FARS2: variants seen among roughly 807,000 people sequenced by gnomAD.
The protein encoded by FARS2 is phenylalanine--tRNA ligase, mitochondrial.
Under a neutral mutation model 46.4 loss-of-function variants are expected in FARS2, and 40 were observed. The ratio of observed to expected loss-of-function variants is 0.86; its 90% CI spans 0.67 to 1.12. FARS2 has a LOEUF of 1.12. FARS2 is among the 50% of genes most tolerant of loss of function. FARS2 has a pLI of 0.00. For missense variants in FARS2, 513 were observed against 567.9 expected, an observed-to-expected ratio of 0.90 and a Z score of 0.98; for synonymous variants, 234 against 214.9, an observed-to-expected ratio of 1.09 and a Z score of -0.78.
intron 1 of FARS2, among the ~76,000 whole-genome samples, chr6:5,357,493 G>T (rs1468604283): frequency 2.0e-5 from 3 of 152,300 alleles, no homozygotes; most frequent in South Asian, 4.1e-4. Context: ...AGTGAAGTGT[G>T]TACAGAAGAC....
At position 5,637,237 on chromosome 6, in the gene FARS2, A is replaced by G. The variant is rs1399856921; in HGVS notation, c.1217+23917A>G. ...CATTCCTGGTGAGGAGGCCTTAGAT[A>G]CCAAGAGCTTCATCTTCCACATATC... On this transcript the variant is annotated intron_variant, in intron 6 of 6. Transcript: ENST00000274680. Among the ~76,000 whole-genome samples, 5 of 152,326 alleles carry G rather than the reference A, an allele frequency of 3.3e-5. 1 individual carries two copies. The highest frequency in any genetic ancestry group is 3.3e-4 in the Admixed American group (5 of 15,304).
the FARS2 span, among the ~76,000 whole-genome samples, chr6:5,250,603 C>T: frequency 6.6e-6 from 1 of 152,174 alleles, no homozygotes; most frequent in African/African-American, 2.4e-5. Context: ...TGCTTTTAGG[C>T]ACACATGAAT....
chr6:5,318,385 A>T (rs1305784441), intron 1 of FARS2, among the ~76,000 whole-genome samples: 13 of 116,558 alleles, frequency 1.1e-4, no homozygotes, highest in Non-Finnish European at 2.4e-4. Flanking sequence ...GCAAAAAAAA[A>T]CCAAAAAAAA....
intron 1 of FARS2, among the ~76,000 whole-genome samples, chr6:5,332,134 C>T (rs768634439): frequency 2.0e-5 from 3 of 152,166 alleles, no homozygotes; most frequent in African/African-American, 4.8e-5. Flanking sequence ...GAAGTACCAG[C>T]GCTGAGATTC....
At chr6:5,414,077 A>G (rs1182978995) in intron 3 of FARS2, among the ~76,000 whole-genome samples, 1 of 152,178 alleles carries the variant, frequency 6.6e-6, no homozygotes, top group Non-Finnish European at 1.5e-5. Flanking sequence ...CTGGAAACTT[A>G]CTGTCCTTTT....
intron 6 of FARS2, among the ~76,000 whole-genome samples, chr6:5,728,568 A>G (rs1045652854): frequency 5.3e-5 from 8 of 152,206 alleles, no homozygotes; most frequent in African/African-American, 1.9e-4. Context: ...TGCCTGCAGT[A>G]AGTGACAGGA....
At chr6:5,650,594 A>C (rs9504475) in intron 6 of FARS2, among the ~76,000 whole-genome samples, 10,159 of 151,874 alleles carry the variant, frequency 0.067, 932 homozygotes, top group African/African-American at 0.21. Flanking sequence ...CATTCTCCTG[A>C]CTCAGCCTCC....
At chr6:5,610,965 A>G (rs1323772661) in intron 5 of FARS2, among the ~76,000 whole-genome samples, 1 of 152,216 alleles carries the variant, frequency 6.6e-6, no homozygotes, top group Non-Finnish European at 1.5e-5. Flanking sequence ...CACTGACTGT[A>G]CTGTAGTCAT....
intron 1 of FARS2, among the ~76,000 whole-genome samples, chr6:5,291,597 T>A (rs1767509342): frequency 6.6e-6 from 1 of 152,216 alleles, no homozygotes; most frequent in African/African-American, 2.4e-5. Context: ...TCAATCCTTT[T>A]TACCCTTAGA....
chr6:5,602,417 G>A (rs1273882461), intron 5 of FARS2, among the ~76,000 whole-genome samples: 1 of 152,104 alleles, frequency 6.6e-6, no homozygotes, highest in Non-Finnish European at 1.5e-5. Flanking sequence ...GGGAGGCTGA[G>A]GTGGGTGGAT....
chr6:5,711,018 A>C (rs1200300877), intron 6 of FARS2, among the ~76,000 whole-genome samples: 3 of 152,242 alleles, frequency 2.0e-5, no homozygotes, highest in Admixed American at 2.0e-4. Context: ...GATTGATTCT[A>C]GGACTGGGCC....
chr6:5,313,132 A>G (rs1769206321), intron 1 of FARS2, among the ~76,000 whole-genome samples: 1 of 152,212 alleles, frequency 6.6e-6, no homozygotes, highest in South Asian at 2.1e-4. Context: ...AGTGTTGTTT[A>G]CACATATAGT....
Position 5,368,888 on chromosome 6 carries a change from G to C in FARS2, c.318G>C (p.Gly106=), listed in dbSNP as rs140589763. ...HFYKQYVGRF[G]TPLFSVYDNL... ...ACAAGCAGTATGTGGGCCGCTTTGG[G>C]ACCCCGTTGTTCTCGGTCTACGACA... The change falls in exon 2 of 7, where the codon GGG becomes GGC. Residue 106 remains glycine, a synonymous_variant. Coordinates refer to ENST00000274680, the MANE Select transcript of FARS2 (RefSeq NM_006567.5). The C allele has an allele frequency of 6.2e-7, 1 of 1,614,122 alleles. No individual in the cohort carries two copies. Among genetic ancestry groups the C allele is most frequent in the Non-Finnish European group, 8.5e-7 (1 of 1,180,016 alleles).
chr6:5,709,892 A>G (rs1025531798), intron 6 of FARS2, among the ~76,000 whole-genome samples: 2 of 152,150 alleles, frequency 1.3e-5, no homozygotes, highest in Admixed American at 1.3e-4. Context: ...GTGAGTGCTC[A>G]TATTAACCTG....
At chr6:5,473,590 G>A (rs1765941844) in intron 4 of FARS2, among the ~76,000 whole-genome samples, 1 of 151,470 alleles carries the variant, frequency 6.6e-6, no homozygotes, top group African/African-American at 2.4e-5. Flanking sequence ...TTCAGGAGAG[G>A]GCATCTAAAG....
intron 1 of FARS2, among the ~76,000 whole-genome samples, chr6:5,342,460 A>C (rs1263126555): frequency 6.6e-6 from 1 of 152,250 alleles, no homozygotes; most frequent in Non-Finnish European, 1.5e-5. Flanking sequence ...CTCATGGTCA[A>C]CTAGACCAGT....
At chr6:5,345,723 T>A (rs947664961) in intron 1 of FARS2, among the ~76,000 whole-genome samples, 6 of 152,224 alleles carry the variant, frequency 3.9e-5, no homozygotes, top group Admixed American at 1.3e-4. Flanking sequence ...ATGTTCCCTT[T>A]CCACCATTCT....
chr6:5,380,615 G>A (rs1396726134), intron 2 of FARS2, among the ~76,000 whole-genome samples: 2 of 152,144 alleles, frequency 1.3e-5, no homozygotes, highest in South Asian at 2.1e-4. Context: ...GCTAGCAGCC[G>A]GTGCCACTCG....
intron 6 of FARS2, among the ~76,000 whole-genome samples, chr6:5,705,716 A>G (rs976124875): frequency 1.3e-5 from 2 of 152,094 alleles, no homozygotes; most frequent in African/African-American, 4.8e-5. Context: ...TGCTCGAGCC[A>G]TTTGGAATGT....
Sources: allele counts gnomAD v4.1 joint callset (sites outside exome capture counted in the v4.1 genomes callset), GRCh38; gene constraint gnomAD v4.1.1; transcripts MANE v1.5; gene names NCBI Gene and HGNC (gene_info 2026-07-23, HGNC 2026-07-21).